The following ZFHX3 variants were observed in gnomAD, a reference collection of about 807,000 sequenced individuals.
ZFHX3 encodes the protein zinc finger homeobox 3, also known as zinc finger homeobox protein 3.
ZFHX3 carries 42 observed loss-of-function variants against 279.1 expected under a neutral mutation model. That is an observed-to-expected ratio of 0.15 (90% CI 0.12 to 0.19). The LOEUF (loss-of-function observed/expected upper bound fraction) is 0.19, where lower values mean the gene tolerates loss of function less well. ZFHX3 is among the 10% of genes least tolerant of loss of function. The probability of loss-of-function intolerance (pLI) is 1.00; values close to 1 mark genes in which losing one functional copy is unlikely to be tolerated. For synonymous variants in ZFHX3, 2,293 were observed against 1,957.8 expected (o/e 1.17, Z -4.52); for missense variants, 4,981 against 4,754.0 (o/e 1.05, Z -1.40).
intron 3 of ZFHX3, among the ~76,000 whole-genome samples, chr16:73,379,385 T>C (rs1409433894): frequency 6.6e-6 from 1 of 152,076 alleles, no homozygotes; most frequent in Non-Finnish European, 1.5e-5. Context: ...TGCTGTATTG[T>C]GGGCTGGCAG....
chr16:73,865,196 C>T (rs1429882747), intron 1 of ZFHX3, among the ~76,000 whole-genome samples: 1 of 152,156 alleles, frequency 6.6e-6, no homozygotes, highest in Non-Finnish European at 1.5e-5. Flanking sequence ...ATTGTTGACC[C>T]ACAGATTTGT....
At chr16:73,166,210 T>C (rs1444470160) in intron 5 of ZFHX3, among the ~76,000 whole-genome samples, 3 of 152,036 alleles carry the variant, frequency 2.0e-5, no homozygotes, top group Non-Finnish European at 2.9e-5. Flanking sequence ...AAAATACAAA[T>C]GGATATGTGA....
rs76004840 is a variant in ZFHX3, at chr16:73,820,393, C to A, written c.-1608+71258G>T. ...CGGCCTGGGAGTAACTCTTAACTGG[C>A]TGGTGGCTTCTGCTCCCTCTTTCTT... On this transcript the variant is annotated intron_variant, in intron 1 of 17. Coordinates refer to the ZFHX3 transcript ENST00000641206. Among the ~76,000 whole-genome samples, 607 of 152,274 alleles carry A rather than the reference C, an allele frequency of 4.0e-3. 7 individuals carry two copies. Among genetic ancestry groups the A allele is most frequent in the African/African-American group, 0.014 (567 of 41,558 alleles).
At chr16:72,964,166 GCACATC>G (rs1961716991) in intron 1 of ZFHX3, among the ~76,000 whole-genome samples, 1 of 152,082 alleles carries the variant, frequency 6.6e-6, no homozygotes, top group Non-Finnish European at 1.5e-5. Context: ...CCTCAGAAGT[GCACATC>G]CCTCCCCGTT....
At chr16:73,417,210 G>T (rs935739143) in intron 3 of ZFHX3, among the ~76,000 whole-genome samples, 1 of 151,828 alleles carries the variant, frequency 6.6e-6, no homozygotes, top group African/African-American at 2.4e-5. Flanking sequence ...AAACAAGGGA[G>T]GACTGAGAGG....
At chr16:73,431,478 T>C (rs867084700) in intron 3 of ZFHX3, among the ~76,000 whole-genome samples, 5 of 152,092 alleles carry the variant, frequency 3.3e-5, no homozygotes, top group Admixed American at 2.0e-4. Flanking sequence ...GAGGTGTACG[T>C]TGCAGTGCGC....
intron 2 of ZFHX3, among the ~76,000 whole-genome samples, chr16:73,649,503 A>G (rs1264075318): frequency 6.6e-6 from 1 of 152,214 alleles, no homozygotes; most frequent in African/African-American, 2.4e-5. Flanking sequence ...TCTTTGGGTA[A>G]GATTATAGGT....
At chr16:72,835,966 A>G (rs2037182667) in intron 4 of ZFHX3, among the ~76,000 whole-genome samples, 1 of 152,204 alleles carries the variant, frequency 6.6e-6, no homozygotes, top group Admixed American at 6.5e-5. Flanking sequence ...CAAATCCCAC[A>G]ATATAAAAGA....
chr16:73,027,402 G>C (rs1176063451), intron 1 of ZFHX3, among the ~76,000 whole-genome samples: 2 of 152,224 alleles, frequency 1.3e-5, no homozygotes, highest in African/African-American at 4.8e-5. Context: ...CAGGCTCCAG[G>C]TATCTGACAG....
intron 1 of ZFHX3, among the ~76,000 whole-genome samples, chr16:73,057,220 G>GA (rs1440345529): frequency 6.6e-6 from 1 of 152,172 alleles, no homozygotes; most frequent in East Asian, 1.9e-4. Context: ...TGTAATCAAA[G>GA]AATTTGCCAC....
chr16:73,239,620 G>A (rs542293717), intron 5 of ZFHX3, among the ~76,000 whole-genome samples: 3 of 152,208 alleles, frequency 2.0e-5, no homozygotes, highest in African/African-American at 7.2e-5. Context: ...TTCCAGCAGC[G>A]GTAGATTCTG....
intron 8 of ZFHX3, among the ~76,000 whole-genome samples, chr16:73,066,995 G>T (rs1230837820): frequency 1.3e-5 from 2 of 152,062 alleles, no homozygotes; most frequent in African/African-American, 2.4e-5. Context: ...GGGAGGGAAG[G>T]CGCCTCTGCA....
chr16:73,446,531 A>C (rs969289271), intron 3 of ZFHX3, among the ~76,000 whole-genome samples: 1 of 152,196 alleles, frequency 6.6e-6, no homozygotes, highest in African/African-American at 2.4e-5. Context: ...CCCTCCCCCA[A>C]CACGTGAGGA....
chr16:73,603,052 G>A (rs899551801), intron 2 of ZFHX3, among the ~76,000 whole-genome samples: 1 of 151,766 alleles, frequency 6.6e-6, no homozygotes, highest in Non-Finnish European at 1.5e-5. Flanking sequence ...TTGGGAGGCC[G>A]AGGCGGGTGG....
At chr16:73,041,033 GC>G (rs1965093152) in intron 1 of ZFHX3, among the ~76,000 whole-genome samples, 1 of 152,238 alleles carries the variant, frequency 6.6e-6, no homozygotes, top group Admixed American at 6.5e-5. Context: ...CAAAGAGTGG[GC>G]TTTTTTGATT....
intron 1 of ZFHX3, among the ~76,000 whole-genome samples, chr16:73,042,462 C>T (rs936460400): frequency 6.6e-6 from 1 of 152,128 alleles, no homozygotes. Flanking sequence ...AACCAAGAAA[C>T]AAGCAAAACT....
At chr16:72,790,711 C>T (rs147048526) in intron 9 of ZFHX3, 7 of 152,354 alleles carry the variant, frequency 4.6e-5, no homozygotes, top group African/African-American at 1.7e-4. Flanking sequence ...TTAGTAAAGA[C>T]TTGTTGGTTA....
chr16:72,998,537 T>C (rs1963374315), intron 1 of ZFHX3, among the ~76,000 whole-genome samples: 1 of 152,244 alleles, frequency 6.6e-6, no homozygotes, highest in African/African-American at 2.4e-5. Context: ...TCCCCTTGTT[T>C]TCCTACTAAG....
chr16:73,035,905 A>G (rs1772282259), intron 1 of ZFHX3, among the ~76,000 whole-genome samples: 1 of 152,222 alleles, frequency 6.6e-6, no homozygotes, highest in Admixed American at 6.5e-5. Context: ...CCCTGTCTCA[A>G]AAACAAAATA....
Sources: allele counts gnomAD v4.1 joint callset (sites outside exome capture counted in the v4.1 genomes callset), GRCh38; gene constraint gnomAD v4.1.1; transcripts MANE v1.5; gene names NCBI Gene and HGNC (gene_info 2026-07-23, HGNC 2026-07-21).